The following FSTL5 variants were observed in gnomAD, a reference collection of about 807,000 sequenced individuals.
The protein encoded by FSTL5 is follistatin like 5, also known as follistatin-related protein 5.
FSTL5 carries 62 observed loss-of-function variants against 89.1 expected under a neutral mutation model. The ratio of observed to expected loss-of-function variants is 0.70; its 90% confidence interval spans 0.57 to 0.86. The LOEUF (loss-of-function observed/expected upper bound fraction) is 0.86. Ranked by LOEUF, FSTL5 falls within the 40% of genes least tolerant of loss-of-function variation. FSTL5 has a pLI of 0.00. For missense variants in FSTL5, 1,057 were observed against 1,001.6 expected, an observed-to-expected ratio of 1.06 and a Z score of -0.75; for synonymous variants, 383 against 346.2, an observed-to-expected ratio of 1.11 and a Z score of -1.18.
At chr4:161,526,277 T>C (rs576226433) in intron 10 of FSTL5, among the ~76,000 whole-genome samples, 1 of 151,620 alleles carries the variant, frequency 6.6e-6, no homozygotes, top group South Asian at 2.1e-4. Context: ...CAATTTGACC[T>C]ATTAGGGCAT....
intron 15 of FSTL5, among the ~76,000 whole-genome samples, chr4:161,432,161 T>C (rs62326367): frequency 0.09 from 13,719 of 152,142 alleles, 668 homozygotes; most frequent in Non-Finnish European, 0.12. Flanking sequence ...ATACACATTT[T>C]TCTCTTCAGC....
chr4:161,510,688 C>A (rs1364868204), intron 10 of FSTL5, among the ~76,000 whole-genome samples: 1 of 151,634 alleles, frequency 6.6e-6, no homozygotes, highest in Admixed American at 6.6e-5. Flanking sequence ...ACATTTTACT[C>A]TGCATTGAAA....
intron 15 of FSTL5, among the ~76,000 whole-genome samples, chr4:161,418,361 A>G (rs1187500411): frequency 6.6e-6 from 1 of 152,252 alleles, no homozygotes; most frequent in African/African-American, 2.4e-5. Flanking sequence ...GATGATAATC[A>G]TACAAATGCA....
intron 2 of FSTL5, among the ~76,000 whole-genome samples, chr4:162,046,665 AT>A (rs1738193990): frequency 6.6e-6 from 1 of 152,166 alleles, no homozygotes; most frequent in Non-Finnish European, 1.5e-5. Context: ...TTTTCAGTGT[AT>A]TTTTAGAGTG....
intron 4 of FSTL5, among the ~76,000 whole-genome samples, chr4:161,866,465 A>AGTGTGTGTGT (rs70937692): frequency 0.058 from 7,652 of 131,782 alleles, 269 homozygotes; most frequent in East Asian, 0.09. Context: ...TCTAAGCTGT[A>AGTGTGTGTGT]GTGTGTGTGT....
At chr4:161,556,848 A>C (rs28611406) in intron 8 of FSTL5, among the ~76,000 whole-genome samples, 51 of 138,968 alleles carry the variant, frequency 3.7e-4, no homozygotes, top group African/African-American at 1.5e-3. Context: ...GTGTGTGTGT[A>C]TATATATATA....
At chr4:162,103,289 A>G (rs1731076178) in intron 2 of FSTL5, among the ~76,000 whole-genome samples, 1 of 152,190 alleles carries the variant, frequency 6.6e-6, no homozygotes, top group Non-Finnish European at 1.5e-5. Context: ...AAAACTTTGT[A>G]TTTTCTTAAA....
chr4:161,615,033 G>A (rs557072608), intron 7 of FSTL5, among the ~76,000 whole-genome samples: 1 of 152,098 alleles, frequency 6.6e-6, no homozygotes, highest in South Asian at 2.1e-4. Context: ...GGTGGCTCAT[G>A]CCTGTAATCC....
At chr4:161,740,405 CTAATT>C (rs2126771023) in intron 6 of FSTL5, among the ~76,000 whole-genome samples, 1 of 151,964 alleles carries the variant, frequency 6.6e-6, no homozygotes, top group South Asian at 2.1e-4. Flanking sequence ...TATATACTAT[CTAATT>C]TGAGTAGTGT....
chr4:161,620,220 A>C (rs1477250210), intron 7 of FSTL5, among the ~76,000 whole-genome samples: 3 of 150,216 alleles, frequency 2.0e-5, no homozygotes, highest in Non-Finnish European at 4.4e-5. Flanking sequence ...GGATAGCTTT[A>C]GGAGATATAC....
chr4:161,777,644 T>A (rs1288522288), intron 4 of FSTL5, among the ~76,000 whole-genome samples: 1 of 152,180 alleles, frequency 6.6e-6, no homozygotes, highest in African/African-American at 2.4e-5. Context: ...TTTGCACTTT[T>A]TATTTTTAAG....
chr4:162,011,436 C>T (rs910051266), intron 3 of FSTL5, among the ~76,000 whole-genome samples: 1 of 152,080 alleles, frequency 6.6e-6, no homozygotes, highest in African/African-American at 2.4e-5. Flanking sequence ...ACATACTTTT[C>T]CTGTGTTTCC....
intron 3 of FSTL5, among the ~76,000 whole-genome samples, chr4:162,022,450 A>T: frequency 6.6e-6 from 1 of 152,218 alleles, no homozygotes; most frequent in South Asian, 2.1e-4. Context: ...AAATTATAAT[A>T]GATAATAATG....
intron 4 of FSTL5, among the ~76,000 whole-genome samples, chr4:161,893,701 A>G (rs1440599): frequency 0.56 from 84,959 of 152,012 alleles, 24,000 homozygotes; most frequent in East Asian, 0.66. Context: ...ATTCCTAAAT[A>G]GCTATATAAG....
chr4:161,555,421 A>T (rs566389187), intron 8 of FSTL5, among the ~76,000 whole-genome samples: 1 of 151,576 alleles, frequency 6.6e-6, no homozygotes, highest in East Asian at 1.9e-4. Flanking sequence ...GAAAGAATAA[A>T]TGAGAAAAAA....
chr4:161,842,177 C>A (rs200040200), intron 4 of FSTL5, among the ~76,000 whole-genome samples: 1 of 152,052 alleles, frequency 6.6e-6, no homozygotes, highest in East Asian at 1.9e-4. Flanking sequence ...TTAAGAAGGC[C>A]GTTTGCAATA....
At chr4:162,117,063 G>A (rs1731671536) in intron 1 of FSTL5, among the ~76,000 whole-genome samples, 1 of 152,196 alleles carries the variant, frequency 6.6e-6, no homozygotes, top group Non-Finnish European at 1.5e-5. Flanking sequence ...AGTCTAGCAA[G>A]TTTCTTACAT....
At chr4:161,598,484 C>T (rs1578955832) in intron 7 of FSTL5, among the ~76,000 whole-genome samples, 1 of 151,976 alleles carries the variant, frequency 6.6e-6, no homozygotes, top group East Asian at 1.9e-4. Context: ...CCAAGACAAT[C>T]CTGAAATAGA....
At chr4:161,513,318 AGAGGAG>A (rs35013103) in intron 10 of FSTL5, among the ~76,000 whole-genome samples, 1 of 127,854 alleles carries the variant, frequency 7.8e-6, no homozygotes, top group Non-Finnish European at 1.6e-5. Context: ...AGACAGAGGA[AGAGGAG>A]GAGGAGGAGG....
Sources: gnomAD v4.1 joint callset for allele counts (sites outside exome capture counted in the v4.1 genomes callset) on GRCh38, gnomAD v4.1.1 for gene constraint, MANE v1.5 for transcripts, NCBI Gene and HGNC (gene_info 2026-07-23, HGNC 2026-07-21) for gene names.